IWS1: variants seen among roughly 807,000 people sequenced by gnomAD.
The protein encoded by IWS1 is protein IWS1 homolog.
IWS1 carries 27 observed loss-of-function variants against 86.7 expected under a neutral mutation model. That is an observed-to-expected ratio of 0.31 (90% CI 0.23 to 0.43). IWS1 has a LOEUF of 0.43. IWS1 is among the 20% of genes least tolerant of loss of function. The probability of loss-of-function intolerance (pLI) is 1.00; values close to 1 mark genes in which losing one functional copy is unlikely to be tolerated. For synonymous variants in IWS1, 313 were observed against 335.1 expected (o/e 0.93, Z 0.72); for missense variants, 827 against 1,000.8 (o/e 0.83, Z 2.34).
At chr2:127,507,584 G>A (rs1244170714) in intron 2 of IWS1, among the ~76,000 whole-genome samples, 1 of 152,124 alleles carries the variant, frequency 6.6e-6, no homozygotes, top group African/African-American at 2.4e-5. Context: ...TACAATTACC[G>A]TACAATAGTC....
chr2:127,490,467 GA>G (rs1212457711), intron 10 of IWS1, among the ~76,000 whole-genome samples: 1 of 152,242 alleles, frequency 6.6e-6, no homozygotes, highest in African/African-American at 2.4e-5. Flanking sequence ...GACCATGAAA[GA>G]AAGTATATGC....
chr2:127,523,942 A>C (rs1692248689), intron 1 of IWS1, 151 bp from the exon 2 acceptor site: 1 of 591,516 alleles, frequency 1.7e-6, no homozygotes, highest in Middle Eastern at 4.0e-4. Context: ...ATAAGGTAAT[A>C]CAATACTCAT....
chr2:127,513,004 C>T (rs1213525808), intron 2 of IWS1, among the ~76,000 whole-genome samples: 5 of 152,154 alleles, frequency 3.3e-5, no homozygotes, highest in East Asian at 1.9e-4. Context: ...ACTTTGGGAG[C>T]GCAAGGTGGG....
chr2:127,491,732 C>T (rs1039249492), intron 10 of IWS1, among the ~76,000 whole-genome samples: 2 of 152,168 alleles, frequency 1.3e-5, no homozygotes, highest in Admixed American at 6.5e-5. Flanking sequence ...CGTTAAGCCA[C>T]CACACCCAGC....
rs540524445 is a variant in IWS1, at chr2:127,488,400, C to A, written c.2216+779G>T. On this transcript the variant is annotated intron_variant, in intron 12 of 13. Transcript: ENST00000295321. ...TGGTCCCTCAAATCTACTTCTCCCT[C>A]CATTTTGGTGAAAGGTAATAAACAC... Among the ~76,000 whole-genome samples the A allele has an allele frequency of 2.6e-5, 4 of 152,304 alleles. No individual in the cohort carries two copies. In the East Asian group the frequency reaches 7.7e-4, roughly 29 times the overall value.
chr2:127,501,937 TG>T (rs1167658728), intron 5 of IWS1: 1 of 152,242 alleles, frequency 6.6e-6, no homozygotes, highest in Non-Finnish European at 1.5e-5. Flanking sequence ...GCCTTCTTTT[TG>T]TTTGCTCTGA....
intron 2 of IWS1, among the ~76,000 whole-genome samples, chr2:127,514,103 C>T (rs1459080103): frequency 9.2e-5 from 14 of 152,328 alleles, no homozygotes; most frequent in Non-Finnish European, 1.3e-4. Flanking sequence ...CAAATGTTGC[C>T]TTTCCCAAGG....
chr2:127,493,444 A>T (rs557118330), intron 8 of IWS1, 34 bp from the exon 9 acceptor site: 1 of 1,571,186 alleles, frequency 6.4e-7, no homozygotes, highest in African/African-American at 1.4e-5. Flanking sequence ...AATTCTGTGA[A>T]CCTTGGTTCT....
At chr2:127,507,498 C>G (rs533431303) in intron 2 of IWS1, among the ~76,000 whole-genome samples, 1 of 152,308 alleles carries the variant, frequency 6.6e-6, no homozygotes, top group African/African-American at 2.4e-5. Context: ...TTGTCAGTCA[C>G]AAGCTCTATT....
chr2:127,492,381 AC>A (rs1690274377), intron 9 of IWS1, among the ~76,000 whole-genome samples: 1 of 152,004 alleles, frequency 6.6e-6, no homozygotes, highest in Non-Finnish European at 1.5e-5. Flanking sequence ...ACCCATCTCT[AC>A]TAAAAATACA....
intron 3 of IWS1, 135 bp from the exon 4 acceptor site, chr2:127,503,711 A>AAATAAAATC (rs1558755939): frequency 2.9e-6 from 1 of 344,696 alleles, no homozygotes; most frequent in African/African-American, 2.1e-5. Context: ...TAAATAAAAT[A>AAATAAAATC]AAATCAGAGG....
chr2:127,483,373 AGCACGC>A (rs1689736049), intron 13 of IWS1, among the ~76,000 whole-genome samples: 1 of 152,140 alleles, frequency 6.6e-6, no homozygotes, highest in South Asian at 2.1e-4. Flanking sequence ...CCGTAATCCC[AGCACGC>A]TGGGAGGTCA....
At chr2:127,493,525 TA>T in intron 8 of IWS1, 115 bp from the exon 9 acceptor site, 2 of 909,250 alleles carry the variant, frequency 2.2e-6, no homozygotes, top group Admixed American at 6.9e-5. Flanking sequence ...GTTACTCATA[TA>T]AATTTGACAT....
chr2:127,495,816 T>G (rs2104678434), intron 7 of IWS1, among the ~76,000 whole-genome samples, 182 bp downstream of exon 7: 1 of 152,352 alleles, frequency 6.6e-6, no homozygotes, highest in Non-Finnish European at 1.5e-5. Context: ...ATATTTTCAC[T>G]TTTTCTAAAC....
chr2:127,483,598 G>GGT (rs1689763605), intron 13 of IWS1, among the ~76,000 whole-genome samples: 2 of 21,820 alleles, frequency 9.2e-5, no homozygotes, highest in South Asian at 1.6e-3. Context: ...GGGTGGGGGG[G>GGT]TTGGGCTGTG....
At chr2:127,502,691 T>A (rs1690882799) in intron 5 of IWS1, 124 bp downstream of exon 5, 1 of 501,412 alleles carries the variant, frequency 2.0e-6, no homozygotes, top group African/African-American at 2.0e-5. Context: ...CTTCTAGATT[T>A]TTATCTTGAA....
At chr2:127,496,751 T>C (rs2104681471) in intron 6 of IWS1, among the ~76,000 whole-genome samples, 1 of 152,236 alleles carries the variant, frequency 6.6e-6, no homozygotes, top group Admixed American at 6.5e-5. Context: ...TTTAAATGTT[T>C]TGTAGAGACA....
At chr2:127,509,152 G>GA (rs1490302894) in intron 2 of IWS1, among the ~76,000 whole-genome samples, 1 of 152,108 alleles carries the variant, frequency 6.6e-6, no homozygotes, top group Non-Finnish European at 1.5e-5. Flanking sequence ...CACCACCACA[G>GA]AATTTGGGAC....
chr2:127,503,015 C>T, intron 4 of IWS1, 143 bp from the exon 5 acceptor site: 1 of 586,462 alleles, frequency 1.7e-6, no homozygotes, highest in Non-Finnish European at 3.0e-6. Flanking sequence ...AATATATACA[C>T]TCATGTAACC....
Sources: gnomAD v4.1 joint callset for allele counts (sites outside exome capture counted in the v4.1 genomes callset) on GRCh38, gnomAD v4.1.1 for gene constraint, MANE v1.5 for transcripts, NCBI Gene and HGNC (gene_info 2026-07-23, HGNC 2026-07-21) for gene names.